Variants in RBKS observed in about 807,000 individuals in gnomAD.
The protein encoded by RBKS is ribokinase.
Under a neutral mutation model 33.9 loss-of-function variants are expected in RBKS, and 33 were observed. The ratio of observed to expected loss-of-function variants is 0.97; its 90% CI spans 0.74 to 1.30. The LOEUF (loss-of-function observed/expected upper bound fraction) is 1.30, where lower values mean the gene tolerates loss of function less well. RBKS is among the 50% of genes most tolerant of loss of function. The pLI, the probability that RBKS is intolerant of heterozygous loss-of-function variation, is 0.00. For synonymous variants in RBKS, 125 were observed against 143.0 expected (o/e 0.87, Z 0.90); for missense variants, 361 against 392.6 (o/e 0.92, Z 0.68).
intron 5 of RBKS, among the ~76,000 whole-genome samples, chr2:27,835,750 A>G (rs1298936585): frequency 6.6e-6 from 1 of 151,918 alleles, no homozygotes; most frequent in East Asian, 1.9e-4. Context: ...ATAAGAACAA[A>G]TAACAAGCAC....
Position 27,810,086 on chromosome 2 carries a change from A to G in RBKS, c.795+17481T>C. 7.7e-7 allele frequency: 1 copy of G among 1,303,012 alleles called. No homozygotes were observed. The highest frequency in any genetic ancestry group is 1.0e-6 in the Non-Finnish European group (1 of 988,574). 80.7% of individuals were successfully genotyped at this position (1,303,012 alleles called of 1,614,324 possible). On this transcript the variant is annotated intron_variant, in intron 7 of 7. Coordinates refer to ENST00000302188, the MANE Select transcript of RBKS (RefSeq NM_022128.3). The surrounding 1 kb of genome is among the most constrained non-coding windows in gnomAD (Gnocchi z 4.4). ...AAGGAACTGAGCAATTGTTCTGTGA[A>G]TCTAACTGCATTGAAAGCTGGTGTG... is the stretch of plus-strand genomic sequence containing the variant.
Position 27,856,860 on chromosome 2 carries a change from T to C in RBKS, c.222+1579A>G, listed in dbSNP as rs184911845. On this transcript the variant is annotated intron_variant, in intron 2 of 7. Transcript: ENST00000302188. ...CAAACGCTCCATAGCTAATCAGGTA[T>C]GAGATGGGTCAGGCCTAAGTTTTTA... Among the ~76,000 whole-genome samples the C allele has an allele frequency of 3.3e-5, 5 of 152,276 alleles. No individual in the cohort carries two copies. In the East Asian group the frequency reaches 9.6e-4, roughly 29 times the overall value.
At chr2:27,843,942 A>AC (rs1287508318) in intron 4 of RBKS, among the ~76,000 whole-genome samples, 1 of 152,176 alleles carries the variant, frequency 6.6e-6, no homozygotes, top group Non-Finnish European at 1.5e-5. Flanking sequence ...CACGAGCCAC[A>AC]CATGGCCATT....
chr2:27,809,861 T>C (rs1677959737), intron 7 of RBKS: 1 of 1,182,382 alleles, frequency 8.5e-7, no homozygotes, highest in Non-Finnish European at 1.1e-6. Flanking sequence ...CCACTTCTGC[T>C]GATGCACAAA....
chr2:27,828,088 A>G (rs552993140), intron 6 of RBKS, among the ~76,000 whole-genome samples: 1 of 152,354 alleles, frequency 6.6e-6, no homozygotes, highest in East Asian at 1.9e-4. Flanking sequence ...GTGAGGCATC[A>G]TGTTGTCTGC....
At chr2:27,882,007 C>G (rs1236161548) in intron 1 of RBKS, among the ~76,000 whole-genome samples, 1 of 152,066 alleles carries the variant, frequency 6.6e-6, no homozygotes, top group African/African-American at 2.4e-5. Flanking sequence ...ATAGCACAGG[C>G]AAAAATTTCA....
intron 7 of RBKS, among the ~76,000 whole-genome samples, chr2:27,827,184 G>C (rs1000527149): frequency 1.3e-5 from 2 of 152,270 alleles, no homozygotes; most frequent in African/African-American, 4.8e-5. Context: ...GCCCGACAAG[G>C]GCAGAGACTT....
chr2:27,857,998 G>A (rs1006427606), intron 2 of RBKS, among the ~76,000 whole-genome samples: 2 of 152,078 alleles, frequency 1.3e-5, no homozygotes, highest in African/African-American at 4.8e-5. Context: ...AAAAATTGTG[G>A]TATATCCATA....
intron 1 of RBKS, among the ~76,000 whole-genome samples, chr2:27,874,560 A>G (rs1664276920): frequency 6.6e-6 from 1 of 152,226 alleles, no homozygotes; most frequent in African/African-American, 2.4e-5. Flanking sequence ...ATAACCAGGT[A>G]TGATGCCACT....
chr2:27,829,628 A>G (rs968273968), intron 6 of RBKS, among the ~76,000 whole-genome samples: 3 of 152,014 alleles, frequency 2.0e-5, no homozygotes, highest in Non-Finnish European at 2.9e-5. Context: ...TGGCCTCCCA[A>G]AGTGCTGGGA....
At chr2:27,864,167 CG>C (rs971177462) in intron 1 of RBKS, among the ~76,000 whole-genome samples, 1 of 151,842 alleles carries the variant, frequency 6.6e-6, no homozygotes, top group Non-Finnish European at 1.5e-5. Context: ...GCTAGGACTA[CG>C]GGGGCACACA....
intron 7 of RBKS, among the ~76,000 whole-genome samples, chr2:27,799,914 AG>A (rs1185888169): frequency 1.3e-5 from 2 of 152,152 alleles, no homozygotes; most frequent in Non-Finnish European, 2.9e-5. Flanking sequence ...CTGAGGCGTG[AG>A]TATCTAGCTG....
At chr2:27,798,791 C>T (rs72810505) in intron 7 of RBKS, among the ~76,000 whole-genome samples, 7,989 of 152,334 alleles carry the variant, frequency 0.052, 275 homozygotes, top group Non-Finnish European at 0.077. Flanking sequence ...GGTCTCAGTA[C>T]ATGGAGACAC....
At chr2:27,788,796 T>G (rs1000529058) in intron 7 of RBKS, among the ~76,000 whole-genome samples, 1 of 152,178 alleles carries the variant, frequency 6.6e-6, no homozygotes. Context: ...TAAGGCTAAA[T>G]TTAACTGAAT....
At chr2:27,811,596 T>C (rs1677986089) in intron 7 of RBKS, among the ~76,000 whole-genome samples, 1 of 152,340 alleles carries the variant, frequency 6.6e-6, no homozygotes, top group South Asian at 2.1e-4. Flanking sequence ...CAATTTAGGC[T>C]TCTCTTTGTA....
At chr2:27,847,227 T>TA (rs11301069) in intron 3 of RBKS, 123 bp from the exon 4 acceptor site, 387 of 541,854 alleles carry the variant, frequency 7.1e-4, no homozygotes, top group South Asian at 2.0e-3. Flanking sequence ...TCTGGAATGA[T>TA]AAAAAAAAAT....
intron 7 of RBKS, among the ~76,000 whole-genome samples, chr2:27,803,770 G>C (rs1677844040): frequency 6.6e-6 from 1 of 152,034 alleles, no homozygotes; most frequent in African/African-American, 2.4e-5. Flanking sequence ...GCAGGGGCCA[G>C]GTGCGGTGAC....
intron 7 of RBKS, among the ~76,000 whole-genome samples, chr2:27,821,652 T>C (rs1307830776): frequency 6.6e-6 from 1 of 152,088 alleles, no homozygotes; most frequent in African/African-American, 2.4e-5. Flanking sequence ...CCCAATAAAG[T>C]GATTAGTGGA....
At chr2:27,801,961 AAAATATATAT>A (rs1456815784) in intron 7 of RBKS, among the ~76,000 whole-genome samples, 2 of 63,906 alleles carry the variant, frequency 3.1e-5, no homozygotes, top group African/African-American at 1.3e-4. Context: ...AAAAAAAAAA[AAAATATATAT>A]ATATATATAT....
Sources: gnomAD v4.1 joint callset for allele counts (sites outside exome capture counted in the v4.1 genomes callset) on GRCh38, gnomAD v4.1.1 for gene constraint, Gnocchi (gnomAD v3.1) non-coding constraint, MANE v1.5 for transcripts, NCBI Gene and HGNC (gene_info 2026-07-23, HGNC 2026-07-21) for gene names.